Variants in LPP observed in about 807,000 individuals in gnomAD.
LPP encodes LIM domain containing preferred translocation partner in lipoma, also known as lipoma-preferred partner.
In LPP, 38 loss-of-function variants were observed where a neutral mutation model predicts 60.4. The observed-to-expected ratio is 0.63, with a 90% confidence interval of 0.49 to 0.83. The LOEUF (loss-of-function observed/expected upper bound fraction) is 0.83, where lower values mean the gene tolerates loss of function less well. Ranked by LOEUF, LPP falls within the 40% of genes least tolerant of loss-of-function variation. The pLI is 0.00. For synonymous variants in LPP, 328 were observed against 290.8 expected (o/e 1.13, Z -1.30); for missense variants, 902 against 783.6 (o/e 1.15, Z -1.80).
At position 188,572,219 on chromosome 3, in the gene LPP, A is replaced by T. The variant is rs1346172306; in HGVS notation, c.430-36942A>T. Among the ~76,000 whole-genome samples the T allele has an allele frequency of 1.3e-5, 2 of 152,084 alleles. No individual in the cohort carries two copies. Among genetic ancestry groups the T allele is most frequent in the Non-Finnish European group, 2.9e-5 (2 of 68,012 alleles). ...TATGTATGTAGAGGGGTGACATATG[A>T]TAAAAAAACTATGGATAATTTTAAG... On this transcript the variant is annotated intron_variant, in intron 6 of 11. Coordinates refer to ENST00000617246, the MANE Select transcript of LPP (RefSeq NM_001375462.1). This position sits in a 1 kb window ranked among gnomAD's most constrained non-coding sequence, Gnocchi z 4.1.
At chr3:188,235,030 C>T (rs958602088) in intron 2 of LPP, among the ~76,000 whole-genome samples, 4 of 151,690 alleles carry the variant, frequency 2.6e-5, no homozygotes, top group Admixed American at 2.6e-4. Flanking sequence ...AACACTGGGA[C>T]AAGAATAAAG....
At chr3:188,762,278 G>A (rs1732625635) in intron 9 of LPP, among the ~76,000 whole-genome samples, 2 of 152,056 alleles carry the variant, frequency 1.3e-5, no homozygotes, top group Admixed American at 1.3e-4. Context: ...TATATAATGG[G>A]GACGATGGCA....
In LPP at chr3:188,804,884, T is replaced by C. The variant is rs114776572; in HGVS notation, c.1410+44602T>C. Among the ~76,000 whole-genome samples the C allele has an allele frequency of 4.4e-3, 672 of 152,154 alleles. 11 individuals carry two copies. Among genetic ancestry groups the C allele is most frequent in the African/African-American group, 0.015 (603 of 41,488 alleles). On this transcript the variant is annotated intron_variant, in intron 9 of 11. Coordinates refer to ENST00000617246, the MANE Select transcript of LPP (RefSeq NM_001375462.1). ...AGCAAGTTTCCTTCTTTTCATTAGT[T>C]TTCTGGGAGGTTTAATCATGAAAGT...
chr3:188,501,712 C>T (rs1477493415), intron 5 of LPP, among the ~76,000 whole-genome samples: 2 of 145,798 alleles, frequency 1.4e-5, no homozygotes, highest in Non-Finnish European at 1.5e-5. Flanking sequence ...TCACTCCAGC[C>T]TGGGTGACAG....
intron 7 of LPP, among the ~76,000 whole-genome samples, chr3:188,673,540 G>C (rs548906706): frequency 2.0e-5 from 3 of 152,202 alleles, no homozygotes; most frequent in African/African-American, 7.2e-5. Context: ...TGGTCTCTCT[G>C]AGACTTTTAA....
chr3:188,424,784 A>G (rs1484048216), intron 4 of LPP, among the ~76,000 whole-genome samples: 1 of 152,144 alleles, frequency 6.6e-6, no homozygotes, highest in East Asian at 1.9e-4. Flanking sequence ...TGATTTTTGT[A>G]CATTGATTTT....
rs542114505 is a variant in LPP at position 188,718,073 on chromosome 3, G to A, written c.1240+9680G>A. Among the ~76,000 whole-genome samples, 6 of 152,190 alleles carry A rather than the reference G, an allele frequency of 3.9e-5. No homozygotes were observed. The East Asian group carries it at 7.7e-4, about 20-fold the overall frequency. On this transcript the variant is annotated intron_variant, in intron 8 of 11. Transcript: ENST00000617246. The stretch of plus-strand genomic sequence containing the variant: ...CGACCTCAGGTGATCCTCCTGCCTC[G>A]GCCTCCCAAAAGTGCTGGGATTACA...
intron 9 of LPP, among the ~76,000 whole-genome samples, chr3:188,845,704 C>T (rs897203141): frequency 4.9e-4 from 74 of 152,236 alleles, no homozygotes; most frequent in African/African-American, 1.8e-3. Context: ...ACTCAGAGCA[C>T]TGACGTGGGA....
chr3:188,849,117 G>A (rs1418190360), intron 9 of LPP, among the ~76,000 whole-genome samples: 1 of 152,218 alleles, frequency 6.6e-6, no homozygotes, highest in African/African-American at 2.4e-5. Context: ...GCTTTCTGCT[G>A]TGTTCCTCTG....
At chr3:188,668,487 T>C (rs1156767654) in intron 7 of LPP, among the ~76,000 whole-genome samples, 1 of 152,228 alleles carries the variant, frequency 6.6e-6, no homozygotes, top group African/African-American at 2.4e-5. Flanking sequence ...TATAATTGCT[T>C]CCATACAAGT....
In LPP at chr3:188,550,577, C is replaced by CAAAA. The variant is rs67052080; in HGVS notation, c.429+25810_429+25813dup. On this transcript the variant is annotated intron_variant, in intron 6 of 11. Coordinates refer to ENST00000617246, the MANE Select transcript of LPP (RefSeq NM_001375462.1). ...TGGGTGACAGAGCAAGACTCCATCT[C>CAAAA]AAAAAAAAAAAAAAAAAAAAAAATC... Among the ~76,000 whole-genome samples the CAAAA allele has an allele frequency of 2.7e-3, 179 of 66,686 alleles. 8 individuals carry two copies. Among genetic ancestry groups the CAAAA allele is most frequent in the African/African-American group, 7.2e-3 (113 of 15,600 alleles). The allele number at this position is 66,686 out of a possible 152,430, so 43.7% of individuals were successfully genotyped here.
intron 8 of LPP, among the ~76,000 whole-genome samples, chr3:188,735,710 A>AG (rs1312734748): frequency 2.0e-5 from 3 of 152,146 alleles, no homozygotes; most frequent in African/African-American, 7.2e-5. Context: ...AAAGTTACAG[A>AG]GAAAGGGCAA....
At chr3:188,761,128 T>C (rs997096031) in intron 9 of LPP, among the ~76,000 whole-genome samples, 1 of 152,240 alleles carries the variant, frequency 6.6e-6, no homozygotes, top group African/African-American at 2.4e-5. Context: ...GTAGTGTTTT[T>C]TGTTTGTTTG....
At chr3:188,658,726 C>T (rs1005091211) in intron 7 of LPP, among the ~76,000 whole-genome samples, 18 of 152,210 alleles carry the variant, frequency 1.2e-4, no homozygotes, top group African/African-American at 4.3e-4. Flanking sequence ...ATTGACCCAT[C>T]TCCCTCCAAA....
intron 5 of LPP, among the ~76,000 whole-genome samples, chr3:188,513,122 A>G (rs933290108): frequency 7.2e-5 from 11 of 152,216 alleles, no homozygotes; most frequent in East Asian, 5.8e-4. Context: ...AAAAATATCC[A>G]TGATCCTAGA....
intron 2 of LPP, among the ~76,000 whole-genome samples, chr3:188,297,001 C>T (rs1370021262): frequency 2.0e-5 from 3 of 152,214 alleles, no homozygotes; most frequent in East Asian, 1.9e-4. Context: ...TGCCAGGCTT[C>T]TTGCCCCACA....
At chr3:188,519,079 G>A (rs181751047) in intron 5 of LPP, among the ~76,000 whole-genome samples, 1 of 152,296 alleles carries the variant, frequency 6.6e-6, no homozygotes, top group East Asian at 1.9e-4. Flanking sequence ...AAACCACTGG[G>A]TGGGTGAAAG....
chr3:188,288,961 G>A, intron 2 of LPP, among the ~76,000 whole-genome samples: 1 of 151,710 alleles, frequency 6.6e-6, no homozygotes, highest in South Asian at 2.1e-4. Context: ...TTTAAAATAT[G>A]GAGATTGGGA....
intron 4 of LPP, among the ~76,000 whole-genome samples, chr3:188,449,056 G>A (rs1024893152): frequency 6.6e-6 from 1 of 152,216 alleles, no homozygotes; most frequent in Non-Finnish European, 1.5e-5. Context: ...TTATTGTGTG[G>A]TAGGAAATCC....
Sources: gnomAD v4.1 joint callset for allele counts (sites outside exome capture counted in the v4.1 genomes callset) on GRCh38, gnomAD v4.1.1 for gene constraint, Gnocchi (gnomAD v3.1) non-coding constraint, MANE v1.5 for transcripts, NCBI Gene and HGNC (gene_info 2026-07-23, HGNC 2026-07-21) for gene names.